Variants in ADGRA3 observed in about 807,000 individuals in gnomAD.
The protein encoded by ADGRA3 is adhesion G protein-coupled receptor A3.
Under a neutral mutation model 119.8 loss-of-function variants are expected in ADGRA3, and 56 were observed. That is an observed-to-expected ratio of 0.47 (90% CI 0.38 to 0.58). The LOEUF (loss-of-function observed/expected upper bound fraction) is 0.58, where lower values mean the gene tolerates loss of function less well. Ranked by LOEUF, ADGRA3 falls within the 20% of genes least tolerant of loss-of-function variation. ADGRA3 has a pLI of 0.00. For missense variants in ADGRA3, 1,516 were observed against 1,649.0 expected (o/e 0.92, Z 1.40); for synonymous variants, 607 against 623.8 (o/e 0.97, Z 0.40).
At chr4:22,441,143 T>C (rs770495148) in intron 7 of ADGRA3, among the ~76,000 whole-genome samples, 71 of 152,170 alleles carry the variant, frequency 4.7e-4, no homozygotes, top group Non-Finnish European at 8.5e-4. Flanking sequence ...CTCACTCAAA[T>C]AGAAACTCAC....
At chr4:22,428,698 C>T (rs921677930) in intron 10 of ADGRA3, among the ~76,000 whole-genome samples, 5 of 152,134 alleles carry the variant, frequency 3.3e-5, no homozygotes, top group Admixed American at 2.0e-4. Flanking sequence ...TATGTTATTA[C>T]ACTGATTAAT....
intron 4 of ADGRA3, among the ~76,000 whole-genome samples, chr4:22,449,314 T>C (rs938967767): frequency 6.6e-6 from 1 of 151,866 alleles, no homozygotes; most frequent in Non-Finnish European, 1.5e-5. Context: ...TAGATGCAAT[T>C]ACAATCAACA....
chr4:22,474,071 T>A (rs1485493748), intron 1 of ADGRA3, among the ~76,000 whole-genome samples: 3 of 152,164 alleles, frequency 2.0e-5, no homozygotes, highest in Non-Finnish European at 4.4e-5. Context: ...CTATCACACA[T>A]AATCAAAACT....
At chr4:22,436,735 T>C (rs1420795625) in intron 8 of ADGRA3, 94 bp from the exon 9 acceptor site, 2 of 1,085,992 alleles carry the variant, frequency 1.8e-6, no homozygotes, top group Non-Finnish European at 2.7e-6. Context: ...GATGAAGATG[T>C]GTCATGTCAA....
chr4:22,495,939 T>A (rs1211520472), intron 1 of ADGRA3, among the ~76,000 whole-genome samples: 3 of 151,842 alleles, frequency 2.0e-5, no homozygotes, highest in Non-Finnish European at 2.9e-5. Context: ...AGTTAATACA[T>A]GAAAAAATAA....
chr4:22,506,792 C>G (rs1719255271), intron 1 of ADGRA3, among the ~76,000 whole-genome samples: 1 of 152,020 alleles, frequency 6.6e-6, no homozygotes, highest in African/African-American at 2.4e-5. Flanking sequence ...TTTTGTAAAG[C>G]TCCCTCTTCA....
At chr4:22,405,128 T>C (rs1714847515) in intron 14 of ADGRA3, among the ~76,000 whole-genome samples, 1 of 152,186 alleles carries the variant, frequency 6.6e-6, no homozygotes, top group South Asian at 2.1e-4. Context: ...GTGCATCCCA[T>C]AGCCCTTGGC....
chr4:22,443,025 G>A, intron 6 of ADGRA3, 162 bp from the exon 7 acceptor site: 1 of 687,810 alleles, frequency 1.5e-6, no homozygotes, highest in South Asian at 1.7e-5. Flanking sequence ...ACTGAGTTTA[G>A]TGATAACAGA....
chr4:22,438,073 G>A (rs1253244530), intron 8 of ADGRA3, among the ~76,000 whole-genome samples, 183 bp downstream of exon 8: 1 of 152,114 alleles, frequency 6.6e-6, no homozygotes, highest in East Asian at 1.9e-4. Context: ...CTGAGATAAA[G>A]TTCAAGCACC....
chr4:22,473,652 T>C, intron 2 of ADGRA3, 120 bp downstream of exon 2: 1 of 581,288 alleles, frequency 1.7e-6, no homozygotes, highest in East Asian at 3.2e-5. Context: ...TAAAAAATGT[T>C]AGAAAAACTC....
chr4:22,436,179 T>C (rs1716383413), intron 9 of ADGRA3, among the ~76,000 whole-genome samples: 1 of 152,094 alleles, frequency 6.6e-6, no homozygotes, highest in Admixed American at 6.6e-5. Context: ...GTTAGGATTC[T>C]GTCTGGTGGA....
chr4:22,441,252 T>A (rs1716601560), intron 7 of ADGRA3, among the ~76,000 whole-genome samples: 1 of 152,270 alleles, frequency 6.6e-6, no homozygotes, highest in Non-Finnish European at 1.5e-5. Context: ...CTCTTACTGA[T>A]CCTGAACTAC....
chr4:22,447,388 C>T, intron 5 of ADGRA3, 52 bp downstream of exon 5: 1 of 1,099,588 alleles, frequency 9.1e-7, no homozygotes, highest in Non-Finnish European at 1.3e-6. Flanking sequence ...TTTTAATTTT[C>T]AAAAAGACAT....
chr4:22,474,175 G>A (rs1427850371), intron 1 of ADGRA3, among the ~76,000 whole-genome samples: 1 of 152,132 alleles, frequency 6.6e-6, no homozygotes, highest in African/African-American at 2.4e-5. Flanking sequence ...ATCATATTAT[G>A]CAAGTTGAAT....
At chr4:22,401,052 CTT>C (rs1465391465) in intron 16 of ADGRA3, among the ~76,000 whole-genome samples, 1 of 151,562 alleles carries the variant, frequency 6.6e-6, no homozygotes. Context: ...ATGATTAACT[CTT>C]TTTCTAATTT....
chr4:22,422,732 C>T (rs934942704), intron 11 of ADGRA3, among the ~76,000 whole-genome samples: 2 of 152,066 alleles, frequency 1.3e-5, no homozygotes, highest in South Asian at 2.1e-4. Context: ...GTCAGAAAAA[C>T]GAATGCAGTT....
intron 1 of ADGRA3, among the ~76,000 whole-genome samples, chr4:22,504,352 C>T (rs1383988895): frequency 6.6e-6 from 1 of 152,022 alleles, no homozygotes; most frequent in Non-Finnish European, 1.5e-5. Flanking sequence ...TGCCTGATAC[C>T]CAAGTTGGTT....
chr4:22,409,735 G>GA (rs1715111223), intron 14 of ADGRA3, among the ~76,000 whole-genome samples: 1 of 152,084 alleles, frequency 6.6e-6, no homozygotes, highest in Admixed American at 6.6e-5. Flanking sequence ...TTGCTCTACA[G>GA]AAAAAAGCAC....
intron 4 of ADGRA3, among the ~76,000 whole-genome samples, chr4:22,449,283 AT>A (rs61505956): frequency 0.012 from 1,876 of 151,864 alleles, 33 homozygotes; most frequent in African/African-American, 0.041. Flanking sequence ...AAAAAAAAAA[AT>A]TTTTTTTAAG....
Sources: allele counts gnomAD v4.1 joint callset (sites outside exome capture counted in the v4.1 genomes callset), GRCh38; gene constraint gnomAD v4.1.1; transcripts MANE v1.5; gene names NCBI Gene and HGNC (gene_info 2026-07-23, HGNC 2026-07-21).